GALNTL6: variants seen among roughly 807,000 people sequenced by gnomAD.
GALNTL6 encodes the protein polypeptide N-acetylgalactosaminyltransferase-like 6.
In GALNTL6, 46 loss-of-function variants were observed where a neutral mutation model predicts 73.7. That is an observed-to-expected ratio of 0.62 (90% confidence interval 0.49 to 0.80). The LOEUF is 0.80. Ranked by LOEUF, GALNTL6 falls within the 30% of genes least tolerant of loss-of-function variation. The pLI, the probability that GALNTL6 is intolerant of heterozygous loss-of-function variation, is 0.00. For synonymous variants in GALNTL6, 259 were observed against 263.7 expected, an observed-to-expected ratio of 0.98 and a Z score of 0.17; for missense variants, 604 against 755.0, an observed-to-expected ratio of 0.80 and a Z score of 2.34.
intron 5 of GALNTL6, among the ~76,000 whole-genome samples, chr4:172,353,007 C>CCAG (rs1252146355): frequency 6.6e-6 from 1 of 152,068 alleles, no homozygotes; most frequent in Non-Finnish European, 1.5e-5. Context: ...GGTGCATGGA[C>CCAG]CAGCAGCAGC....
At chr4:171,868,145 C>T (rs567056118) in intron 2 of GALNTL6, among the ~76,000 whole-genome samples, 2 of 151,738 alleles carry the variant, frequency 1.3e-5, no homozygotes, top group Non-Finnish European at 2.9e-5. Context: ...TATCACCAAG[C>T]CTGGCTATTT....
chr4:172,970,937 A>C (rs1211406783), intron 10 of GALNTL6, among the ~76,000 whole-genome samples: 1 of 152,240 alleles, frequency 6.6e-6, no homozygotes, highest in African/African-American at 2.4e-5. Context: ...ATTTATGTTC[A>C]GAGATTGCAG....
At chr4:172,572,941 A>G (rs1475879456) in intron 5 of GALNTL6, among the ~76,000 whole-genome samples, 1 of 152,152 alleles carries the variant, frequency 6.6e-6, no homozygotes, top group African/African-American at 2.4e-5. Context: ...GCATGAAAAC[A>G]TGCTCCAAAA....
chr4:172,551,857 G>T (rs1331395011), intron 5 of GALNTL6, among the ~76,000 whole-genome samples: 3 of 152,118 alleles, frequency 2.0e-5, no homozygotes, highest in East Asian at 1.9e-4. Flanking sequence ...AACAATGGGG[G>T]TGTTTTATGC....
At chr4:171,917,973 C>T (rs1737675744) in intron 2 of GALNTL6, among the ~76,000 whole-genome samples, 1 of 151,980 alleles carries the variant, frequency 6.6e-6, no homozygotes. Context: ...TTTTGTATCA[C>T]CAAAAGCATC....
intron 9 of GALNTL6, among the ~76,000 whole-genome samples, chr4:172,951,695 C>A (rs1749451106): frequency 6.6e-6 from 1 of 152,184 alleles, no homozygotes; most frequent in African/African-American, 2.4e-5. Flanking sequence ...GTTTCAACAC[C>A]TTTAGTTTAA....
chr4:172,161,860 T>C (rs896241431), intron 2 of GALNTL6, among the ~76,000 whole-genome samples: 5 of 151,972 alleles, frequency 3.3e-5, no homozygotes, highest in Non-Finnish European at 7.4e-5. Flanking sequence ...TCAGTAAAGA[T>C]TGAGGCAAAG....
intron 5 of GALNTL6, among the ~76,000 whole-genome samples, chr4:172,735,441 C>T (rs1411033012): frequency 6.6e-6 from 1 of 152,066 alleles, no homozygotes; most frequent in Non-Finnish European, 1.5e-5. Context: ...ATTGCCTATA[C>T]CCCCATTGTA....
At chr4:172,124,601 T>C (rs1463837759) in intron 2 of GALNTL6, among the ~76,000 whole-genome samples, 1 of 152,156 alleles carries the variant, frequency 6.6e-6, no homozygotes, top group African/African-American at 2.4e-5. Context: ...AAAAATCTAA[T>C]AAAGGCAACA....
At chr4:172,492,787 C>T (rs1473011378) in intron 5 of GALNTL6, among the ~76,000 whole-genome samples, 1 of 152,122 alleles carries the variant, frequency 6.6e-6, no homozygotes, top group Non-Finnish European at 1.5e-5. Context: ...TTGGGTCATA[C>T]TAAATGTTTA....
At chr4:172,985,867 G>A (rs1273950678) in intron 10 of GALNTL6, among the ~76,000 whole-genome samples, 2 of 152,162 alleles carry the variant, frequency 1.3e-5, no homozygotes, top group Non-Finnish European at 2.9e-5. Context: ...GGAGCAATTG[G>A]GAGTTTGAAT....
At chr4:172,889,503 T>C (rs1368581295) in intron 8 of GALNTL6, among the ~76,000 whole-genome samples, 1 of 152,226 alleles carries the variant, frequency 6.6e-6, no homozygotes, top group African/African-American at 2.4e-5. Flanking sequence ...TCTACATCTA[T>C]TAAGATGATT....
chr4:172,028,033 A>G (rs1256543482), intron 2 of GALNTL6, among the ~76,000 whole-genome samples: 1 of 152,140 alleles, frequency 6.6e-6, no homozygotes, highest in Admixed American at 6.6e-5. Context: ...AGATCTAGCT[A>G]GAATAATTGA....
intron 11 of GALNTL6, among the ~76,000 whole-genome samples, chr4:173,018,712 C>T (rs115933955): frequency 1.3e-5 from 2 of 152,248 alleles, no homozygotes; most frequent in Non-Finnish European, 2.9e-5. Context: ...TACGTGAACA[C>T]GGCACAGAAG....
intron 5 of GALNTL6, among the ~76,000 whole-genome samples, chr4:172,722,682 T>C (rs533621889): frequency 6.6e-6 from 1 of 152,210 alleles, no homozygotes; most frequent in Non-Finnish European, 1.5e-5. Context: ...AAGTGAACTC[T>C]AAAATTGGCT....
rs56376727 is a variant in GALNTL6, at chr4:172,754,843, C to CA, written c.554-54503dup. 4.7e-3 allele frequency among the ~76,000 whole-genome samples: 601 copies of CA among 128,916 alleles called. 1 individual carries two copies. The highest frequency in any genetic ancestry group is 0.013 in the African/African-American group (414 of 32,348). 84.6% of individuals were successfully genotyped at this position (128,916 alleles called of 152,430 possible). On this transcript the variant is annotated intron_variant, in intron 5 of 12. Transcript: ENST00000506823. The stretch of plus-strand genomic sequence containing the variant: ...AAAACTCAAGGAACCTCACTTCCAC[C>CA]AAAAAAAAAAAAAAAGAAAATGAAA...
At chr4:172,979,229 G>A (rs565669598) in intron 10 of GALNTL6, among the ~76,000 whole-genome samples, 5 of 152,284 alleles carry the variant, frequency 3.3e-5, no homozygotes, top group African/African-American at 2.4e-5. Context: ...AAAGATTCAC[G>A]TGTGCCAAAA....
intron 5 of GALNTL6, among the ~76,000 whole-genome samples, chr4:172,720,203 G>A (rs896204914): frequency 3.9e-5 from 6 of 152,078 alleles, no homozygotes; most frequent in Non-Finnish European, 5.9e-5. Context: ...AGCTAATGAC[G>A]GGGTCCTTGT....
intron 9 of GALNTL6, among the ~76,000 whole-genome samples, chr4:172,947,776 C>G (rs936388167): frequency 6.6e-6 from 1 of 152,170 alleles, no homozygotes; most frequent in Admixed American, 6.5e-5. Flanking sequence ...TTGCTTTGCT[C>G]CTATTCCACT....
Sources: gnomAD v4.1 joint callset for allele counts (sites outside exome capture counted in the v4.1 genomes callset) on GRCh38, gnomAD v4.1.1 for gene constraint, MANE v1.5 for transcripts, NCBI Gene and HGNC (gene_info 2026-07-23, HGNC 2026-07-21) for gene names.